USP38: variants seen among roughly 807,000 people sequenced by gnomAD.
The protein encoded by USP38 is ubiquitin carboxyl-terminal hydrolase 38.
USP38 carries 49 observed loss-of-function variants against 94.3 expected under a neutral mutation model. The ratio of observed to expected loss-of-function variants is 0.52; its 90% CI spans 0.41 to 0.66. The LOEUF (loss-of-function observed/expected upper bound fraction) is 0.66, where lower values mean the gene tolerates loss of function less well. Among genes scored for constraint, USP38 ranks in the 30% least tolerant of loss-of-function variants. USP38 has a pLI of 0.00. For synonymous variants in USP38, 468 were observed against 463.6 expected, an observed-to-expected ratio of 1.01 and a Z score of -0.12; for missense variants, 1,128 against 1,229.4, an observed-to-expected ratio of 0.92 and a Z score of 1.23.
At chr4:143,196,971 G>A (rs1723670412) in intron 3 of USP38, among the ~76,000 whole-genome samples, 1 of 151,856 alleles carries the variant, frequency 6.6e-6, no homozygotes, top group Non-Finnish European at 1.5e-5. Flanking sequence ...TACCACCCTG[G>A]TCCTACATTA....
rs1406262778 is a variant in USP38, at chr4:143,221,502, C to T, written c.*1046C>T. On this transcript the variant is annotated 3_prime_UTR_variant, in exon 10 of 10. Coordinates refer to ENST00000307017, the MANE Select transcript of USP38 (RefSeq NM_032557.6). ...TTGATCACATATTTTTAGAGTTTTA[C>T]ATTTGGGTTTTTTGTTTGTTTGTTT... 7 of 152,410 alleles carry T rather than the reference C, an allele frequency of 4.6e-5. No individual in the cohort carries two copies. Among genetic ancestry groups the T allele is most frequent in the Non-Finnish European group, 8.8e-5 (6 of 67,940 alleles). 9.4% of individuals were successfully genotyped at this position (152,410 alleles called of 1,614,324 possible).
intron 9 of USP38, chr4:143,215,207 C>CA: frequency 2.3e-6 from 1 of 426,850 alleles, no homozygotes; most frequent in Non-Finnish European, 4.2e-6. Flanking sequence ...TCATGCCATA[C>CA]AAAATACAGA....
At position 143,212,378 on chromosome 4, in the gene USP38, A is replaced by G; in HGVS notation, c.1558A>G (p.Arg520Gly). Residue 520 changes from arginine (R) to glycine (G), a missense_variant, in exon 8 of 10, where the codon AGA becomes GGA. Coordinates refer to ENST00000307017, the MANE Select transcript of USP38 (RefSeq NM_032557.6). ...TTCCAGACCTCCATGGTTTACTCCCAGATCACAGCAAGACTGTTCTGAATA... is the reference window on the plus strand; with the variant it reads ...TTCCAGACCTCCATGGTTTACTCCCGGATCACAGCAAGACTGTTCTGAATA... Reference protein sequence around the residue: ...EASRPPWFTPRSQQDCSEYLR... With the variant: ...EASRPPWFTPGSQQDCSEYLR... 1 of 1,612,496 alleles carries G rather than the reference A, an allele frequency of 6.2e-7. No individual in the cohort carries two copies.
chr4:143,204,029 T>G (rs917524159), intron 5 of USP38, among the ~76,000 whole-genome samples: 2 of 151,998 alleles, frequency 1.3e-5, no homozygotes, highest in African/African-American at 4.8e-5. Context: ...TCACCTAGGC[T>G]GGAGTGCAGT....
intron 8 of USP38, among the ~76,000 whole-genome samples, chr4:143,212,649 T>C (rs755216237): frequency 5.9e-4 from 90 of 152,100 alleles, no homozygotes; most frequent in Non-Finnish European, 9.7e-4. Flanking sequence ...CAAGGACCCC[T>C]GCGGGTTCCC....
At chr4:143,189,564 C>T (rs930662586) in intron 2 of USP38, among the ~76,000 whole-genome samples, 12 of 151,942 alleles carry the variant, frequency 7.9e-5, no homozygotes, top group Non-Finnish European at 1.5e-4. Context: ...CACCGTATCC[C>T]CCTTTTCACT....
rs1329792219 is a variant in USP38 at position 143,186,138 on chromosome 4, G to A, written c.682+6G>A. 1.2e-5 allele frequency: 19 copies of A among 1,611,724 alleles called. No homozygotes were observed. The highest frequency in any genetic ancestry group is 1.5e-5 in the Non-Finnish European group (18 of 1,178,488). ...TGCAAGCATCTCTTCCACAGGTAAG[G>A]GTCATTATCTTTCAGAATATCTCAT... On this transcript the variant is annotated splice_donor_region_variant and intron_variant, in intron 1 of 9. Transcript: ENST00000307017.
chr4:143,203,677 T>C, intron 5 of USP38, 111 bp downstream of exon 5: 1 of 1,163,060 alleles, frequency 8.6e-7, no homozygotes, highest in Non-Finnish European at 1.2e-6. Flanking sequence ...GCTTTTTATT[T>C]GAAAAATGCA....
chr4:143,219,426 A>G (rs1732268015), intron 9 of USP38, among the ~76,000 whole-genome samples: 1 of 152,164 alleles, frequency 6.6e-6, no homozygotes, highest in Non-Finnish European at 1.5e-5. Context: ...GCCAGATGGA[A>G]CAAAATCACT....
Position 143,220,298 on chromosome 4 carries a change from C to A in USP38, c.2971C>A (p.Gln991Lys). Reference sequence around the variant, plus strand: ...TAAAAGTTATTTTTAATTTTAGGAACAAGAGTTGAATGCTCGAGCCCGGGC... The same window carrying A: ...TAAAAGTTATTTTTAATTTTAGGAAAAAGAGTTGAATGCTCGAGCCCGGGC... Reference protein sequence around the residue: ...TKDNKLYLQEQELNARARALQ... With the variant: ...TKDNKLYLQEKELNARARALQ... Residue 991 changes from glutamine to lysine, a missense_variant, in exon 10 of 10, where the codon CAA (glutamine) becomes AAA (lysine). Gln to Lys is a moderately conservative substitution (Grantham distance 53). Transcript: ENST00000307017. 6.2e-7 allele frequency: 1 copy of A among 1,605,760 alleles called. No individual in the cohort carries two copies. The highest frequency in any genetic ancestry group is 8.5e-7 in the Non-Finnish European group (1 of 1,176,672).
rs1731794355 is a variant in USP38, at chr4:143,204,126, C to G, written c.1209+560C>G. 1.3e-5 allele frequency among the ~76,000 whole-genome samples: 2 copies of G among 151,964 alleles called. 1 individual carries two copies. The highest frequency in any genetic ancestry group is 4.2e-4 in the South Asian group (2 of 4,818). ...CCTCCTGAATAGCTGGGACTACAGG[C>G]ACCTGCCACCATGCCCGGCTAATTT... On this transcript the variant is annotated intron_variant, in intron 5 of 9. Transcript: ENST00000307017.
At position 143,220,416 on chromosome 4, in the gene USP38, G is replaced by GT; in HGVS notation, c.3090dup (p.Gly1031TrpfsTer5). ...AGCTGTGGACCAACTGGTGGAGGGG[G>GT]TGGAGGAGGATTTAATACAGTTGGC... On this transcript the variant is annotated frameshift_variant, in exon 10 of 10. Coordinates refer to ENST00000307017, the MANE Select transcript of USP38 (RefSeq NM_032557.6). LOFTEE classifies it high-confidence loss of function. 8 of 1,613,192 alleles carry GT rather than the reference G, an allele frequency of 5.0e-6. No homozygotes were observed. The highest frequency in any genetic ancestry group is 6.8e-6 in the Non-Finnish European group (8 of 1,179,458).
Position 143,185,625 on chromosome 4 carries a change from C to T in USP38, c.175C>T (p.Gln59Ter). 3.7e-6 allele frequency: 6 copies of T among 1,614,156 alleles called. No homozygotes were observed. The highest frequency in any genetic ancestry group is 5.1e-6 in the Non-Finnish European group (6 of 1,180,008). ...GGAGGGCCAGGACCCTTTCCAGCGG[C>T]AGGTGGGGCACCAGGTGCTGGAGGC... ...ILEGQDPFQR[Q>*]VGHQVLEAYA... The change falls in exon 1 of 10, where the codon CAG (glutamine) becomes TAG (stop). Residue 59 changes from glutamine to a stop codon, truncating the protein, a stop_gained. Transcript: ENST00000307017. LOFTEE classifies it high-confidence loss of function.
At chr4:143,209,308 T>C (rs1328020888) in intron 6 of USP38, among the ~76,000 whole-genome samples, 1 of 152,130 alleles carries the variant, frequency 6.6e-6, no homozygotes, top group South Asian at 2.1e-4. Context: ...TTAAGGATAA[T>C]AAATTCTTGA....
intron 2 of USP38, among the ~76,000 whole-genome samples, chr4:143,195,457 C>T (rs72939550): frequency 0.026 from 3,907 of 152,176 alleles, 169 homozygotes; most frequent in African/African-American, 0.088. Context: ...TTAAGTTTTG[C>T]GTTTATGCAA....
In USP38 at chr4:143,203,570, T is replaced by G. The variant is rs371463359; in HGVS notation, c.1209+4T>G. ...ACCTATTCTGGAGGCAATAAAGGTA[T>G]GATGATAGTTGTACCAATATTTGTG... On this transcript the variant is annotated splice_donor_region_variant and intron_variant, in intron 5 of 9. Coordinates refer to ENST00000307017, the MANE Select transcript of USP38 (RefSeq NM_032557.6). 32 of 1,605,572 alleles carry G rather than the reference T, an allele frequency of 2.0e-5. 1 individual carries two copies. In the South Asian group the frequency reaches 3.6e-4, roughly 18 times the overall value.
chr4:143,195,673 A>G, intron 2 of USP38, 43 bp from the exon 3 acceptor site: 1 of 1,552,012 alleles, frequency 6.4e-7, no homozygotes, highest in Non-Finnish European at 8.7e-7. Flanking sequence ...AACTAAATGA[A>G]AATATTTTCA....
In USP38 at chr4:143,214,828, G is replaced by A. The variant is rs79316266; in HGVS notation, c.2852G>A (p.Ser951Asn). ...GTGCTTTTGTATAAAAAACAGCATA[G>A]TACTAATGGTTTAAGTGGTAATAAC... ...AYVLLYKKQH[S>N]TNGLSGNNPT... Residue 951 changes from serine (S) to asparagine (N), a missense_variant, in exon 9 of 10, where the codon AGT (serine) becomes AAT (asparagine). By Grantham distance (46) the Ser-to-Asn change is conservative. Transcript: ENST00000307017. 2,870 of 1,613,680 alleles carry A rather than the reference G, an allele frequency of 1.8e-3. 99 individuals carry two copies. In the East Asian group the frequency reaches 0.056, roughly 31 times the overall value.
intron 3 of USP38, among the ~76,000 whole-genome samples, chr4:143,197,402 C>T (rs1452733650): frequency 2.0e-5 from 3 of 152,148 alleles, no homozygotes. Context: ...TTTATTGTTT[C>T]TACCTGCCCT....
Sources: allele counts gnomAD v4.1 joint callset (sites outside exome capture counted in the v4.1 genomes callset), GRCh38; gene constraint gnomAD v4.1.1; transcripts MANE v1.5; gene names NCBI Gene and HGNC (gene_info 2026-07-23, HGNC 2026-07-21).